Variants in MAGI2 observed in about 807,000 individuals in gnomAD.
MAGI2 encodes the protein membrane associated guanylate kinase, WW and PDZ domain containing 2.
Under a neutral mutation model 133.3 loss-of-function variants are expected in MAGI2, and 35 were observed. That is an observed-to-expected ratio of 0.26 (90% CI 0.20 to 0.35). The LOEUF is 0.35. Ranked by LOEUF, MAGI2 falls within the 10% of genes least tolerant of loss-of-function variation. MAGI2 has a pLI of 1.00. For missense variants in MAGI2, 1,636 were observed against 1,863.4 expected (o/e 0.88, Z 2.25); for synonymous variants, 729 against 710.6 (o/e 1.03, Z -0.41).
chr7:78,508,762 C>T (rs1052961377), intron 4 of MAGI2, among the ~76,000 whole-genome samples: 2 of 152,154 alleles, frequency 1.3e-5, no homozygotes, highest in African/African-American at 4.8e-5. Context: ...ATAACCCATG[C>T]ATGTTTTACC....
At chr7:79,083,413 T>C (rs1448686104) in intron 1 of MAGI2, among the ~76,000 whole-genome samples, 1 of 151,636 alleles carries the variant, frequency 6.6e-6, no homozygotes, top group Non-Finnish European at 1.5e-5. Context: ...TGTGCAATGC[T>C]TTTTCTACAT....
intron 9 of MAGI2, among the ~76,000 whole-genome samples, chr7:78,340,829 G>A (rs1249007162): frequency 6.6e-6 from 1 of 152,042 alleles, no homozygotes. Flanking sequence ...AGCTATTTAT[G>A]ACAAACCCAC....
intron 2 of MAGI2, among the ~76,000 whole-genome samples, chr7:78,654,749 A>ATATATATATATATG (rs1491177965): frequency 1.0e-5 from 1 of 97,826 alleles, no homozygotes; most frequent in Non-Finnish European, 2.1e-5. Flanking sequence ...ATATATATAT[A>ATATATATATATATG]GCATATATTT....
intron 9 of MAGI2, among the ~76,000 whole-genome samples, chr7:78,268,331 C>T (rs1794218707): frequency 1.3e-5 from 2 of 152,040 alleles, no homozygotes; most frequent in Admixed American, 1.3e-4. Flanking sequence ...TGCAAAACAG[C>T]TAATTAAATC....
intron 2 of MAGI2, among the ~76,000 whole-genome samples, chr7:78,916,701 T>C (rs1798822495): frequency 6.6e-6 from 1 of 152,114 alleles, no homozygotes; most frequent in Admixed American, 6.6e-5. Flanking sequence ...TAGTCACTTT[T>C]GGAGAACTGT....
intron 1 of MAGI2, among the ~76,000 whole-genome samples, chr7:79,147,761 G>A (rs1274707172): frequency 2.1e-5 from 3 of 144,862 alleles, no homozygotes; most frequent in African/African-American, 8.7e-5. Flanking sequence ...GGAGCAGGAG[G>A]GACAGGAGAA....
At chr7:78,738,894 A>G (rs559997711) in intron 2 of MAGI2, among the ~76,000 whole-genome samples, 78 of 152,330 alleles carry the variant, frequency 5.1e-4, no homozygotes, top group African/African-American at 1.8e-3. Flanking sequence ...TAAGAAAAAG[A>G]AAAATATAGA....
At chr7:79,185,052 G>A (rs1826958213) in intron 1 of MAGI2, among the ~76,000 whole-genome samples, 2 of 151,766 alleles carry the variant, frequency 1.3e-5, no homozygotes, top group Non-Finnish European at 2.9e-5. Flanking sequence ...AACACAGCTG[G>A]GTTCCTAAGC....
At chr7:79,128,032 C>T (rs1022245861) in intron 1 of MAGI2, among the ~76,000 whole-genome samples, 1 of 152,134 alleles carries the variant, frequency 6.6e-6, no homozygotes, top group Non-Finnish European at 1.5e-5. Flanking sequence ...AGCCAGTTTT[C>T]CCAGCACCAT....
rs548285506 is a variant in MAGI2, at chr7:78,892,898, C to G, written c.418+114192G>C. On this transcript the variant is annotated intron_variant, in intron 2 of 21. Coordinates refer to ENST00000354212, the MANE Select transcript of MAGI2 (RefSeq NM_012301.4). The stretch of plus-strand genomic sequence containing the variant: ...ACAAATGGGATCTAATTAAACTAAA[C>G]AGCTTCTGCACAGCAAAAGAAACTA... Among the ~76,000 whole-genome samples the G allele has an allele frequency of 1.6e-3, 241 of 151,992 alleles. 1 individual carries two copies. The highest frequency in any genetic ancestry group is 3.4e-3 in the Middle Eastern group (1 of 294).
At chr7:78,070,431 T>C (rs1814470890) in intron 21 of MAGI2, among the ~76,000 whole-genome samples, 1 of 148,090 alleles carries the variant, frequency 6.8e-6, no homozygotes, top group Non-Finnish European at 1.5e-5. Context: ...TATATATGTG[T>C]ATATATATAT....
chr7:78,430,015 C>G (rs908581735), intron 6 of MAGI2, among the ~76,000 whole-genome samples: 15 of 152,094 alleles, frequency 9.9e-5, no homozygotes, highest in African/African-American at 3.6e-4. Flanking sequence ...TGCCCTTCTT[C>G]ATTCATGCTC....
chr7:79,261,253 G>A (rs111439582), intron 1 of MAGI2, among the ~76,000 whole-genome samples: 12 of 152,208 alleles, frequency 7.9e-5, no homozygotes, highest in East Asian at 1.9e-4. Flanking sequence ...TTCTTCATTC[G>A]TTGTGGTTCA....
chr7:78,669,841 T>C (rs1293938795), intron 2 of MAGI2, among the ~76,000 whole-genome samples: 2 of 152,148 alleles, frequency 1.3e-5, no homozygotes, highest in Admixed American at 6.5e-5. Flanking sequence ...TCTCAATAGA[T>C]GCAGAAAAGG....
intron 21 of MAGI2, among the ~76,000 whole-genome samples, chr7:78,021,123 C>G (rs1808356382): frequency 3.9e-5 from 6 of 152,138 alleles, no homozygotes; most frequent in Admixed American, 3.9e-4. Context: ...GATGAGTTAG[C>G]TGCTACTGTG....
At chr7:78,585,267 A>G (rs1353489450) in intron 3 of MAGI2, among the ~76,000 whole-genome samples, 1 of 152,146 alleles carries the variant, frequency 6.6e-6, no homozygotes, top group Non-Finnish European at 1.5e-5. Context: ...CTCTCACTAA[A>G]ATTGTGTTAG....
At chr7:79,261,981 C>T (rs1834124067) in intron 1 of MAGI2, among the ~76,000 whole-genome samples, 1 of 152,164 alleles carries the variant, frequency 6.6e-6, no homozygotes, top group Admixed American at 6.5e-5. Context: ...CCACTGACTA[C>T]TTAACTTGCA....
intron 1 of MAGI2, among the ~76,000 whole-genome samples, chr7:79,101,614 C>T (rs923673113): frequency 6.6e-6 from 1 of 150,936 alleles, no homozygotes; most frequent in South Asian, 2.1e-4. Flanking sequence ...GTCCCAGCTA[C>T]TCGGGAGGCT....
At chr7:78,528,056 T>C (rs537142308) in intron 3 of MAGI2, among the ~76,000 whole-genome samples, 3 of 152,162 alleles carry the variant, frequency 2.0e-5, no homozygotes, top group Non-Finnish European at 2.9e-5. Flanking sequence ...AGAGAGATGA[T>C]TGCCTGCAGG....
Sources: gnomAD v4.1 joint callset for allele counts (sites outside exome capture counted in the v4.1 genomes callset) on GRCh38, gnomAD v4.1.1 for gene constraint, MANE v1.5 for transcripts, NCBI Gene and HGNC (gene_info 2026-07-23, HGNC 2026-07-21) for gene names.